Variants in MEGF6 observed in about 807,000 individuals in gnomAD.
MEGF6 encodes multiple EGF like domains 6.
A neutral mutation model predicts 207.1 loss-of-function variants in MEGF6; 184 were observed. That is an observed-to-expected ratio of 0.89 (90% CI 0.79 to 1.00). The LOEUF (loss-of-function observed/expected upper bound fraction) is 1.00. MEGF6 is among the 50% of genes least tolerant of loss of function. MEGF6 has a pLI of 0.00. For synonymous variants in MEGF6, 1,038 were observed against 910.0 expected (o/e 1.14, Z -2.53); for missense variants, 2,282 against 2,202.9 (o/e 1.04, Z -0.72).
intron 3 of MEGF6, 68 bp downstream of exon 3, chr1:3,595,270 T>C (rs1357852046): frequency 8.7e-7 from 1 of 1,143,360 alleles, no homozygotes. Context: ...CCGGGGCAGA[T>C]TCATGGCTCT....
At chr1:3,510,059 C>T in intron 10 of MEGF6, 67 bp from the exon 11 acceptor site, 2 of 1,528,718 alleles carry the variant, frequency 1.3e-6, no homozygotes, top group African/African-American at 2.7e-5. Flanking sequence ...CCCCTGCCCA[C>T]CCAGTCCTAC....
Position 3,489,415 on chromosome 1 carries a change from C to T in MEGF6, c.*1113G>A, listed in dbSNP as rs767057770. On this transcript the variant is annotated 3_prime_UTR_variant, in exon 37 of 37. Transcript: ENST00000356575. ...GAGTGCAGCCCTCTCCATTGGCCACCCCACTCTGCAGAGGAGCCCCCAGCC... is the reference window on the plus strand; with the variant it reads ...GAGTGCAGCCCTCTCCATTGGCCACTCCACTCTGCAGAGGAGCCCCCAGCC... 6.6e-6 allele frequency among the ~76,000 whole-genome samples: 1 copy of T among 152,206 alleles called. No individual in the cohort carries two copies. Among genetic ancestry groups the T allele is most frequent in the Non-Finnish European group, 1.5e-5 (1 of 68,028 alleles).
intron 15 of MEGF6, 127 bp downstream of exon 15, chr1:3,505,981 T>C: frequency 7.7e-7 from 1 of 1,291,080 alleles, no homozygotes; most frequent in Non-Finnish European, 1.0e-6. Flanking sequence ...CAGACCTACA[T>C]CCCAGTGGGT....
chr1:3,538,236 C>A (rs1483549049), intron 4 of MEGF6, among the ~76,000 whole-genome samples: 1 of 152,226 alleles, frequency 6.6e-6, no homozygotes, highest in Non-Finnish European at 1.5e-5. Flanking sequence ...AGCTGCCTCC[C>A]TGCGGAGACA....
At chr1:3,510,967 C>A in intron 9 of MEGF6, 65 bp from the exon 10 acceptor site, 1 of 1,550,480 alleles carries the variant, frequency 6.4e-7, no homozygotes, top group South Asian at 1.2e-5. Context: ...CCCCCACCCA[C>A]ACACAACTGC....
At chr1:3,576,060 C>G (rs1643632803) in intron 4 of MEGF6, among the ~76,000 whole-genome samples, 1 of 152,274 alleles carries the variant, frequency 6.6e-6, no homozygotes. Context: ...CACACAGGCA[C>G]AGGCCTGGGG....
chr1:3,585,722 CGCATGTCCTGTGTGTGGGTGTGAGTG>C (rs1316179358), intron 3 of MEGF6, among the ~76,000 whole-genome samples: 7 of 131,462 alleles, frequency 5.3e-5, no homozygotes, highest in South Asian at 2.4e-4. Flanking sequence ...GGTGTGAGGA[CGCATGTCCTGTGTGTGGGTGTGAGTG>C]ACACATGTCC....
intron 13 of MEGF6, 107 bp downstream of exon 13, chr1:3,508,451 C>T (rs749480668): frequency 1.4e-5 from 19 of 1,351,198 alleles, no homozygotes; most frequent in Non-Finnish European, 1.9e-5. Flanking sequence ...GCCCCCTGCC[C>T]AGGGCCAGCA....
At chr1:3,544,784 T>C (rs1284554461) in intron 4 of MEGF6, among the ~76,000 whole-genome samples, 1 of 151,702 alleles carries the variant, frequency 6.6e-6, no homozygotes, top group Non-Finnish European at 1.5e-5. Context: ...TCGAGTGGGG[T>C]TTCAGACCCC....
At chr1:3,558,211 C>T (rs1643092168) in intron 4 of MEGF6, among the ~76,000 whole-genome samples, 1 of 152,222 alleles carries the variant, frequency 6.6e-6, no homozygotes, top group African/African-American at 2.4e-5. Context: ...TCTCCTTTCT[C>T]CACTCTGAGG....
chr1:3,535,212 G>A (rs1393754846), intron 4 of MEGF6, among the ~76,000 whole-genome samples: 4 of 152,152 alleles, frequency 2.6e-5, no homozygotes, highest in African/African-American at 7.2e-5. Context: ...CCAGGCAGAG[G>A]AGGGCAGCCA....
At chr1:3,517,300 C>T (rs2101108116) in intron 5 of MEGF6, among the ~76,000 whole-genome samples, 1 of 152,316 alleles carries the variant, frequency 6.6e-6, no homozygotes, top group South Asian at 2.1e-4. Context: ...TTCTCATCAC[C>T]CCCTCCAGAC....
At chr1:3,496,119 C>G (rs1640595207) in intron 29 of MEGF6, 101 bp from the exon 30 acceptor site, 3 of 1,412,972 alleles carry the variant, frequency 2.1e-6, no homozygotes, top group Non-Finnish European at 2.8e-6. Flanking sequence ...GTGAGGGGAC[C>G]CTGGGTCTGC....
chr1:3,566,024 C>T (rs12749547), intron 4 of MEGF6, among the ~76,000 whole-genome samples: 15,447 of 152,238 alleles, frequency 0.1, 1,134 homozygotes, highest in Non-Finnish European at 0.15. Flanking sequence ...CCTCCCCCAG[C>T]GCTCTCAGCA....
At chr1:3,621,706 CTA>C in the MEGF6 span, among the ~76,000 whole-genome samples, 1 of 152,194 alleles carries the variant, frequency 6.6e-6, no homozygotes, top group Non-Finnish European at 1.5e-5. Context: ...AATGGTAGAT[CTA>C]CCAGCAGCTT....
At chr1:3,508,809 G>T (rs1260827987) in intron 12 of MEGF6, 120 bp from the exon 13 acceptor site, 1 of 1,304,480 alleles carries the variant, frequency 7.7e-7, no homozygotes, top group South Asian at 1.5e-5. Flanking sequence ...GGCCCATGAG[G>T]GCCCCCAAAG....
At chr1:3,519,379 G>T (rs1011488873) in intron 5 of MEGF6, among the ~76,000 whole-genome samples, 1 of 152,240 alleles carries the variant, frequency 6.6e-6, no homozygotes, top group African/African-American at 2.4e-5. Context: ...AATGAAGGAG[G>T]CCAGACGGCG....
intron 4 of MEGF6, among the ~76,000 whole-genome samples, chr1:3,542,222 G>T (rs1310420794): frequency 6.7e-6 from 1 of 150,304 alleles, no homozygotes; most frequent in Non-Finnish European, 1.5e-5. Context: ...TGGATGGGTG[G>T]GGTCCACCCG....
Position 3,496,699 on chromosome 1 carries a change from GC to G in MEGF6, c.3697del (p.Ala1233ProfsTer41). ...NGGSCDAATG[A>X]CRCPTGFLGT... Reference sequence around the variant, plus strand: ...GAGGAACCCAGTGGGGCAGCGGCAGGCCCCCGTGGCCGCATCACAGGAGCCC... The same window carrying G: ...GAGGAACCCAGTGGGGCAGCGGCAGGCCCCGTGGCCGCATCACAGGAGCCC... On this transcript the variant is annotated frameshift_variant, in exon 29 of 37. Transcript: ENST00000356575. LOFTEE classifies it high-confidence loss of function. The G allele has an allele frequency of 6.4e-7, 1 of 1,561,246 alleles. No individual in the cohort carries two copies. The highest frequency in any genetic ancestry group is 1.9e-5 in the Admixed American group (1 of 52,608).
Sources: gnomAD v4.1 joint callset for allele counts (sites outside exome capture counted in the v4.1 genomes callset) on GRCh38, gnomAD v4.1.1 for gene constraint, MANE v1.5 for transcripts, NCBI Gene and HGNC (gene_info 2026-07-23, HGNC 2026-07-21) for gene names.